KYNU: variants seen among roughly 807,000 people sequenced by gnomAD.
KYNU encodes L-kynurenine hydrolase.
Under a neutral mutation model 59.2 loss-of-function variants are expected in KYNU, and 54 were observed. That is an observed-to-expected ratio of 0.91 (90% CI 0.73 to 1.14). The LOEUF (loss-of-function observed/expected upper bound fraction) is 1.14. KYNU is among the 50% of genes most tolerant of loss of function. The pLI is 0.00. For missense variants in KYNU, 567 were observed against 554.4 expected, an observed-to-expected ratio of 1.02 and a Z score of -0.23; for synonymous variants, 177 against 192.0, an observed-to-expected ratio of 0.92 and a Z score of 0.65.
chr2:142,936,624 A>G (rs1683399605), intron 4 of KYNU, among the ~76,000 whole-genome samples: 1 of 152,186 alleles, frequency 6.6e-6, no homozygotes, highest in Admixed American at 6.5e-5. Context: ...ATGATCAGCA[A>G]CTGCCTGGCA....
At chr2:142,912,378 T>C (rs1156733111) in intron 2 of KYNU, among the ~76,000 whole-genome samples, 5 of 67,420 alleles carry the variant, frequency 7.4e-5, no homozygotes, top group South Asian at 8.3e-4. Context: ...TTTCTTTTTT[T>C]TTTTTTTTTT....
rs1440636227 is a variant in KYNU, at chr2:143,055,073, A to C, written c.*12901A>C. ...TAATACAAAATCTGGAATTTGCCTTAAAATTCCTCTGCAAAATTATAAAAA... is the reference window on the plus strand; with the variant it reads ...TAATACAAAATCTGGAATTTGCCTTCAAATTCCTCTGCAAAATTATAAAAA... On this transcript the variant is annotated 3_prime_UTR_variant, in exon 14 of 14. Transcript: ENST00000264170. The C allele has an allele frequency of 6.6e-6, 1 of 152,230 alleles. No individual in the cohort carries two copies. The highest frequency in any genetic ancestry group is 1.5e-5 in the Non-Finnish European group (1 of 68,044). 9.4% of individuals were successfully genotyped at this position (152,230 alleles called of 1,614,324 possible). A position where few individuals can be genotyped will look rare whatever the true frequency, so the allele number is the denominator to read the frequency against.
intron 3 of KYNU, among the ~76,000 whole-genome samples, chr2:142,921,378 A>T (rs961014358): frequency 6.6e-6 from 1 of 152,138 alleles, no homozygotes; most frequent in Non-Finnish European, 1.5e-5. Flanking sequence ...TTAAGTTTAG[A>T]TAAATTTCTT....
At chr2:142,908,185 G>C (rs1682361218) in intron 2 of KYNU, among the ~76,000 whole-genome samples, 1 of 151,942 alleles carries the variant, frequency 6.6e-6, no homozygotes, top group African/African-American at 2.4e-5. Flanking sequence ...TCCTAATGTA[G>C]CTTTTTAATT....
chr2:142,906,853 C>T (rs543127601), intron 2 of KYNU, among the ~76,000 whole-genome samples: 13 of 152,280 alleles, frequency 8.5e-5, no homozygotes, highest in African/African-American at 3.1e-4. Flanking sequence ...AGCTTTCTGC[C>T]TCTAGTTGAC....
intron 4 of KYNU, among the ~76,000 whole-genome samples, chr2:142,939,602 C>CAAAAAAAAAAAAAA (rs71301737): frequency 3.2e-4 from 21 of 65,058 alleles, no homozygotes; most frequent in Admixed American, 6.7e-4. Context: ...CTCCATCTCA[C>CAAAAAAAAAAAAAA]AAAAAAAAAA....
At chr2:142,918,759 A>G (rs755574877) in intron 3 of KYNU, 30 bp downstream of exon 3, 1 of 1,597,952 alleles carries the variant, frequency 6.3e-7, no homozygotes, top group African/African-American at 1.3e-5. Context: ...CTACTACTCT[A>G]CATCTCATAC....
intron 2 of KYNU, among the ~76,000 whole-genome samples, chr2:142,905,425 C>T (rs1344052077): frequency 6.6e-6 from 1 of 152,132 alleles, no homozygotes; most frequent in African/African-American, 2.4e-5. Flanking sequence ...TTCTCAATCA[C>T]CCGAGAGGAA....
In KYNU at chr2:143,029,692, A is replaced by G. The variant is rs1422900910; in HGVS notation, c.955+13A>G. On this transcript the variant is annotated intron_variant, in intron 11 of 13. Transcript: ENST00000264170. ...AAGATGGATAACAGTAAGTGTATTT[A>G]TTTTACCTAATGCCATTTTTATTTT... 1 of 1,439,116 alleles carries G rather than the reference A, an allele frequency of 6.9e-7. No individual in the cohort carries two copies. The highest frequency in any genetic ancestry group is 9.8e-7 in the Non-Finnish European group (1 of 1,020,292). 89.1% of individuals were successfully genotyped at this position (1,439,116 alleles called of 1,614,324 possible).
rs564677061 is a variant in KYNU, at chr2:142,994,511, T to C, written c.902+8490T>C. On this transcript the variant is annotated intron_variant, in intron 10 of 13. Coordinates refer to ENST00000264170, the MANE Select transcript of KYNU (RefSeq NM_003937.3). ...TAGCTTGCTTTGTCTCCCATATCAG[T>C]CCCTGCTCCAATCAGCTTTGGTCAG... is the stretch of plus-strand genomic sequence containing the variant. 3.9e-5 allele frequency among the ~76,000 whole-genome samples: 6 copies of C among 152,222 alleles called. No homozygotes were observed. In the East Asian group the frequency reaches 1.2e-3, roughly 30 times the overall value.
chr2:142,923,454 G>C (rs1435948760), intron 3 of KYNU, among the ~76,000 whole-genome samples: 1 of 152,152 alleles, frequency 6.6e-6, no homozygotes, highest in East Asian at 1.9e-4. Context: ...TAAGTAAAAA[G>C]GTTTTGTAAC....
chr2:142,878,075 G>A (rs1291585347), intron 1 of KYNU, among the ~76,000 whole-genome samples: 3 of 152,086 alleles, frequency 2.0e-5, no homozygotes, highest in African/African-American at 7.2e-5. Flanking sequence ...CTCCAGACGA[G>A]GGAAAGATAT....
rs144065653 is a variant in KYNU at position 142,958,530 on chromosome 2, T to C, written c.582+815T>C. On this transcript the variant is annotated intron_variant, in intron 7 of 13. Coordinates refer to ENST00000264170, the MANE Select transcript of KYNU (RefSeq NM_003937.3). ...TTACTTCTTTCAACCCAGAATTACT[T>C]TGAATAAATTAAAGATGTACTCTAT... Among the ~76,000 whole-genome samples the C allele has an allele frequency of 2.9e-3, 441 of 152,320 alleles. 1 individual carries two copies. The highest frequency in any genetic ancestry group is 4.7e-3 in the Non-Finnish European group (317 of 68,012).
intron 3 of KYNU, among the ~76,000 whole-genome samples, chr2:142,924,830 G>A (rs1451912992): frequency 1.3e-5 from 2 of 152,076 alleles, no homozygotes; most frequent in Admixed American, 6.5e-5. Context: ...TGTTTATAAC[G>A]GCACTTTAAT....
At chr2:142,969,019 CAG>C (rs935360640) in intron 8 of KYNU, among the ~76,000 whole-genome samples, 4 of 151,996 alleles carry the variant, frequency 2.6e-5, no homozygotes, top group African/African-American at 9.7e-5. Context: ...TTTTTTATCT[CAG>C]GGGAAATCAT....
At chr2:143,013,505 A>T (rs977015937) in intron 10 of KYNU, among the ~76,000 whole-genome samples, 1 of 152,148 alleles carries the variant, frequency 6.6e-6, no homozygotes, top group Non-Finnish European at 1.5e-5. Flanking sequence ...TCTATTTTTA[A>T]TTTCTAGAAA....
intron 3 of KYNU, among the ~76,000 whole-genome samples, chr2:142,920,469 T>C (rs1682839863): frequency 6.6e-6 from 1 of 152,232 alleles, no homozygotes; most frequent in African/African-American, 2.4e-5. Flanking sequence ...TTAAAATATA[T>C]TCTGCCCTGC....
intron 4 of KYNU, among the ~76,000 whole-genome samples, chr2:142,950,794 C>T (rs1683965477): frequency 2.0e-5 from 3 of 152,218 alleles, no homozygotes; most frequent in Admixed American, 1.3e-4. Flanking sequence ...ACCTAGCTTT[C>T]AGCCTACCTC....
Position 143,040,476 on chromosome 2 carries a change from C to T in KYNU, c.1090C>T (p.Leu364=). The part of the protein sequence containing the change: ...MKALRKKSVL[L]TGYLEYLIKH... Reference sequence around the variant, plus strand: ...GGCATTGCGGAAAAAATCTGTTTTGCTAACTGGCTATCTGGAATACCTGAT... The same window carrying T: ...GGCATTGCGGAAAAAATCTGTTTTGTTAACTGGCTATCTGGAATACCTGAT... The change falls in exon 13 of 14, where the codon CTA becomes TTA. Residue 364 remains leucine (L), a synonymous_variant. Coordinates refer to ENST00000264170, the MANE Select transcript of KYNU (RefSeq NM_003937.3). The T allele has an allele frequency of 6.2e-7, 1 of 1,613,210 alleles. No homozygotes were observed. The highest frequency in any genetic ancestry group is 8.5e-7 in the Non-Finnish European group (1 of 1,179,488).
Sources: allele counts gnomAD v4.1 joint callset (sites outside exome capture counted in the v4.1 genomes callset), GRCh38; gene constraint gnomAD v4.1.1; transcripts MANE v1.5; gene names NCBI Gene and HGNC (gene_info 2026-07-23, HGNC 2026-07-21).